MAPK10: variants seen among roughly 807,000 people sequenced by gnomAD.
The protein encoded by MAPK10 is mitogen-activated protein kinase 10.
A neutral mutation model predicts 59.3 loss-of-function variants in MAPK10; 25 were observed. That is an observed-to-expected ratio of 0.42 (90% CI 0.31 to 0.59). The LOEUF (loss-of-function observed/expected upper bound fraction) is 0.59. Among genes scored for constraint, MAPK10 ranks in the 20% least tolerant of loss-of-function variants. The pLI is 0.15. For missense variants in MAPK10, 351 were observed against 568.9 expected (o/e 0.62, Z 3.90); for synonymous variants, 190 against 200.5 (o/e 0.95, Z 0.44).
chr4:86,447,270 T>G (rs1449457947), intron 1 of MAPK10, among the ~76,000 whole-genome samples: 4 of 152,284 alleles, frequency 2.6e-5, no homozygotes, highest in Non-Finnish European at 4.4e-5. Flanking sequence ...TCGCTTTGCT[T>G]TCTTCTCTCT....
intron 1 of MAPK10, among the ~76,000 whole-genome samples, chr4:86,562,388 T>TGCTGC (rs1443441301): frequency 2.0e-5 from 3 of 152,162 alleles, no homozygotes; most frequent in Admixed American, 6.5e-5. Context: ...AATCTACTCA[T>TGCTGC]CAATTTTACA....
chr4:86,406,585 T>C (rs1744391491), intron 1 of MAPK10, among the ~76,000 whole-genome samples: 1 of 152,194 alleles, frequency 6.6e-6, no homozygotes, highest in Non-Finnish European at 1.5e-5. Flanking sequence ...TTCTCTGCAC[T>C]GAACACAGAA....
chr4:86,268,857 T>C (rs1353297305), intron 2 of MAPK10, among the ~76,000 whole-genome samples: 1 of 152,146 alleles, frequency 6.6e-6, no homozygotes, highest in Admixed American at 6.6e-5. Context: ...AATGAATAAG[T>C]GAATGAATAA....
chr4:86,254,546 G>T (rs1226521068), intron 2 of MAPK10, among the ~76,000 whole-genome samples: 1 of 127,650 alleles, frequency 7.8e-6, no homozygotes, highest in East Asian at 2.0e-4. Flanking sequence ...GAGATAGTTT[G>T]TTATAATTTC....
intron 9 of MAPK10, among the ~76,000 whole-genome samples, chr4:86,094,222 G>C (rs2053795905): frequency 6.6e-6 from 1 of 151,942 alleles, no homozygotes; most frequent in Admixed American, 6.6e-5. Flanking sequence ...ACAGCATTCA[G>C]TTAATTTGAG....
intron 1 of MAPK10, among the ~76,000 whole-genome samples, chr4:86,587,278 T>A (rs892407557): frequency 1.3e-5 from 2 of 152,256 alleles, no homozygotes; most frequent in African/African-American, 4.8e-5. Context: ...TGTTTAGTTA[T>A]CTCTGTCATT....
intron 1 of MAPK10, among the ~76,000 whole-genome samples, chr4:86,548,641 G>C (rs1310136468): frequency 6.6e-6 from 1 of 152,154 alleles, no homozygotes; most frequent in Non-Finnish European, 1.5e-5. Context: ...AGGCCATCAT[G>C]CTTCCTGTAT....
chr4:86,204,060 C>T (rs1369261076), intron 2 of MAPK10, among the ~76,000 whole-genome samples: 1 of 151,790 alleles, frequency 6.6e-6, no homozygotes, highest in African/African-American at 2.4e-5. Context: ...TTGTCGATGG[C>T]TGCTTTCACA....
intron 1 of MAPK10, among the ~76,000 whole-genome samples, chr4:86,513,368 C>T (rs779356866): frequency 1.3e-5 from 2 of 152,130 alleles, no homozygotes; most frequent in Non-Finnish European, 2.9e-5. Context: ...TTTAGTCCAC[C>T]TAGTAGATGA....
chr4:86,125,225 G>A (rs1183505383), intron 4 of MAPK10: 3 of 151,430 alleles, frequency 2.0e-5, no homozygotes, highest in East Asian at 3.9e-4. Flanking sequence ...ATTCCCAGAA[G>A]TTTCATTAAA....
At chr4:86,438,273 A>G (rs1457650150) in intron 1 of MAPK10, among the ~76,000 whole-genome samples, 1 of 152,202 alleles carries the variant, frequency 6.6e-6, no homozygotes, top group African/African-American at 2.4e-5. Context: ...AAAAGAGATC[A>G]TTGGGTAAAA....
chr4:86,529,584 T>G (rs976910462), intron 1 of MAPK10, among the ~76,000 whole-genome samples: 2 of 152,196 alleles, frequency 1.3e-5, no homozygotes, highest in African/African-American at 4.8e-5. Context: ...CTTTTCAAGT[T>G]ATTTGCTCGA....
chr4:86,032,839 A>G (rs1194637396), intron 11 of MAPK10, among the ~76,000 whole-genome samples: 1 of 152,190 alleles, frequency 6.6e-6, no homozygotes, highest in Non-Finnish European at 1.5e-5. Context: ...TTGAGAAATA[A>G]CTACTCACGG....
At chr4:86,104,261 A>T (rs1187080265) in intron 5 of MAPK10, among the ~76,000 whole-genome samples, 1 of 152,160 alleles carries the variant, frequency 6.6e-6, no homozygotes, top group African/African-American at 2.4e-5. Flanking sequence ...ATTGACAAAA[A>T]ATAACCACAG....
At chr4:86,194,883 C>T (rs751486576) in intron 2 of MAPK10, among the ~76,000 whole-genome samples, 21 of 151,628 alleles carry the variant, frequency 1.4e-4, no homozygotes, top group South Asian at 6.2e-4. Flanking sequence ...ATTTTTCAAA[C>T]ATGATATTGA....
intron 2 of MAPK10, among the ~76,000 whole-genome samples, chr4:86,204,212 A>T (rs1056699067): frequency 6.6e-6 from 1 of 151,972 alleles, no homozygotes. Flanking sequence ...GAAGTATACC[A>T]TTAGCCTCGA....
intron 9 of MAPK10, among the ~76,000 whole-genome samples, chr4:86,088,765 T>C (rs930659671): frequency 1.3e-5 from 2 of 152,156 alleles, no homozygotes; most frequent in Non-Finnish European, 2.9e-5. Context: ...AACCAATTAG[T>C]ATTTGTGGAG....
chr4:86,149,991 C>T (rs1325781864), intron 4 of MAPK10, among the ~76,000 whole-genome samples: 1 of 151,772 alleles, frequency 6.6e-6, no homozygotes, highest in Non-Finnish European at 1.5e-5. Context: ...CCAGATATTA[C>T]AGAAAAGTAA....
intron 1 of MAPK10, among the ~76,000 whole-genome samples, chr4:86,582,866 T>C (rs980240305): frequency 3.9e-5 from 6 of 152,312 alleles, no homozygotes; most frequent in East Asian, 3.9e-4. Flanking sequence ...TATATTTGAA[T>C]GTGTTATTAA....
Sources: allele counts gnomAD v4.1 joint callset (sites outside exome capture counted in the v4.1 genomes callset), GRCh38; gene constraint gnomAD v4.1.1; transcripts MANE v1.5; gene names NCBI Gene and HGNC (gene_info 2026-07-23, HGNC 2026-07-21).